The following ATP8A2 variants were observed in gnomAD, a reference collection of about 807,000 sequenced individuals.
ATP8A2 encodes the protein ATPase phospholipid transporting 8A2.
A neutral mutation model predicts 165.6 loss-of-function variants in ATP8A2; 100 were observed. The observed-to-expected ratio is 0.60, with a 90% confidence interval of 0.51 to 0.71. The LOEUF (loss-of-function observed/expected upper bound fraction) is 0.71. Ranked by LOEUF, ATP8A2 falls within the 30% of genes least tolerant of loss-of-function variation. ATP8A2 has a pLI of 0.00. For missense variants in ATP8A2, 1,227 were observed against 1,479.5 expected, an observed-to-expected ratio of 0.83 and a Z score of 2.80; for synonymous variants, 543 against 548.8, an observed-to-expected ratio of 0.99 and a Z score of 0.15.
chr13:25,374,278 T>C (rs915769893), intron 1 of ATP8A2, among the ~76,000 whole-genome samples: 2 of 152,160 alleles, frequency 1.3e-5, no homozygotes, highest in African/African-American at 4.8e-5. Context: ...AGAACTGTCA[T>C]GTAAGTGGAG....
chr13:25,808,753 A>G (rs1019964688), intron 27 of ATP8A2, among the ~76,000 whole-genome samples: 1 of 152,018 alleles, frequency 6.6e-6, no homozygotes, highest in African/African-American at 2.4e-5. Flanking sequence ...GACTTTTTAT[A>G]CCTGAAATAC....
At position 25,846,161 on chromosome 13, in the gene ATP8A2, G is replaced by A. The variant is rs1276552605; in HGVS notation, c.2956+6537G>A. Reference sequence around the variant, plus strand: ...TTGCACTCCAGCCTGGGTGACAAGAGCGAAACTCAGTCCCAAAACAAAACA... The same window carrying A: ...TTGCACTCCAGCCTGGGTGACAAGAACGAAACTCAGTCCCAAAACAAAACA... On this transcript the variant is annotated intron_variant, in intron 30 of 36. Coordinates refer to ENST00000381655, the MANE Select transcript of ATP8A2 (RefSeq NM_016529.6). 2.0e-5 allele frequency among the ~76,000 whole-genome samples: 3 copies of A among 152,270 alleles called. No homozygotes were observed. The East Asian group carries it at 5.8e-4, about 29-fold the overall frequency.
At chr13:25,977,041 AC>A (rs1956061961) in intron 35 of ATP8A2, among the ~76,000 whole-genome samples, 1 of 31,666 alleles carries the variant, frequency 3.2e-5, no homozygotes, top group East Asian at 1.3e-3. Context: ...CCCCACCCCC[AC>A]CCCCCTTCCC....
Position 25,590,358 on chromosome 13 carries a change from G to A in ATP8A2, c.2211+659G>A, listed in dbSNP as rs138026017. On this transcript the variant is annotated intron_variant, in intron 24 of 36. Coordinates refer to ENST00000381655, the MANE Select transcript of ATP8A2 (RefSeq NM_016529.6). ...GAGAATTGATTGAGCCTGGGATGTG[G>A]ATGCTACAGTGAGCCGTGATCGTGC... 4.4e-3 allele frequency among the ~76,000 whole-genome samples: 665 copies of A among 152,274 alleles called. 4 individuals carry two copies. The highest frequency in any genetic ancestry group is 0.015 in the African/African-American group (630 of 41,550).
intron 24 of ATP8A2, among the ~76,000 whole-genome samples, chr13:25,691,259 A>G (rs887453032): frequency 2.0e-5 from 3 of 152,208 alleles, no homozygotes; most frequent in African/African-American, 7.2e-5. Context: ...CTGTATCTTG[A>G]TTGTGGCCGG....
At chr13:25,625,840 G>A (rs552172672) in intron 24 of ATP8A2, among the ~76,000 whole-genome samples, 2 of 152,230 alleles carry the variant, frequency 1.3e-5, no homozygotes, top group African/African-American at 4.8e-5. Flanking sequence ...CCTATGATGT[G>A]AATGGCTGTG....
intron 25 of ATP8A2, among the ~76,000 whole-genome samples, chr13:25,767,515 A>C (rs1450433512): frequency 1.3e-5 from 2 of 152,248 alleles, no homozygotes; most frequent in Non-Finnish European, 2.9e-5. Context: ...AAGATGTGAT[A>C]GCTGTTTTTA....
At chr13:25,557,539 A>T (rs2039016785) in intron 13 of ATP8A2, among the ~76,000 whole-genome samples, 1 of 152,132 alleles carries the variant, frequency 6.6e-6, no homozygotes, top group South Asian at 2.1e-4. Context: ...CTATGTTCCC[A>T]TAACAGTCTT....
At chr13:25,657,104 T>C (rs1256756083) in intron 24 of ATP8A2, among the ~76,000 whole-genome samples, 4 of 144,602 alleles carry the variant, frequency 2.8e-5, no homozygotes, top group African/African-American at 5.1e-5. Flanking sequence ...TCTTCATTAA[T>C]TCGGGATATA....
In ATP8A2 at chr13:26,019,805, CA is replaced by C. The variant is rs200141078; in HGVS notation, c.3470-75del. The C allele has an allele frequency of 8.2e-3, 8,090 of 989,534 alleles. 66 individuals carry two copies. The highest frequency in any genetic ancestry group is 0.024 in the Middle Eastern group (116 of 4,792). The allele number at this position is 989,534 out of a possible 1,614,324, so 61.3% of individuals were successfully genotyped here. A position where few individuals can be genotyped will look rare whatever the true frequency, so the allele number is the denominator to read the frequency against. On this transcript the variant is annotated intron_variant, in intron 36 of 36. Transcript: ENST00000381655. ...GATGTCGCACTCACCCGCACGCTGC[CA>C]AAAAAAAGCAGCTTATTTTAAACCT...
chr13:25,903,250 C>T lies in ATP8A2; in HGVS notation c.3183+40842C>T, dbSNP rs116660127. ...TTTTCTCTCTCCCACAGTCTCCATACGCAAACAGCCCCCAGATATGGCTGC... is the reference window on the plus strand; with the variant it reads ...TTTTCTCTCTCCCACAGTCTCCATATGCAAACAGCCCCCAGATATGGCTGC... On this transcript the variant is annotated intron_variant, in intron 33 of 36. Coordinates refer to ENST00000381655, the MANE Select transcript of ATP8A2 (RefSeq NM_016529.6). Among the ~76,000 whole-genome samples the T allele has an allele frequency of 5.2e-3, 790 of 152,312 alleles. 14 individuals carry two copies. The highest frequency in any genetic ancestry group is 0.018 in the African/African-American group (763 of 41,572).
intron 1 of ATP8A2, among the ~76,000 whole-genome samples, chr13:25,464,605 C>G (rs1041803690): frequency 2.0e-5 from 3 of 151,954 alleles, no homozygotes; most frequent in African/African-American, 7.3e-5. Context: ...GAAGAGAGAC[C>G]CTTGGTGGCC....
rs1256053566 is a variant in ATP8A2, at chr13:25,439,945, T to C, written c.77-29032T>C. 3.9e-5 allele frequency among the ~76,000 whole-genome samples: 6 copies of C among 152,140 alleles called. No homozygotes were observed. The South Asian group carries it at 8.3e-4, about 21-fold the overall frequency. ...ATTAAAAGTTAACCAAAAGTTATCA[T>C]ATTGAGAGGTCACTGCAGGCTATGG... On this transcript the variant is annotated intron_variant, in intron 1 of 36. Coordinates refer to ENST00000381655, the MANE Select transcript of ATP8A2 (RefSeq NM_016529.6).
At chr13:25,770,419 C>T (rs1168829624) in intron 26 of ATP8A2, among the ~76,000 whole-genome samples, 2 of 152,172 alleles carry the variant, frequency 1.3e-5, no homozygotes, top group African/African-American at 4.8e-5. Context: ...CTCAAGAAGA[C>T]AGCTTTGACT....
intron 23 of ATP8A2, among the ~76,000 whole-genome samples, chr13:25,587,129 G>A (rs1000067322): frequency 1.3e-5 from 2 of 152,126 alleles, no homozygotes; most frequent in African/African-American, 4.8e-5. Flanking sequence ...TCTATACCTG[G>A]CTCTTCTCCA....
At chr13:25,559,870 C>CTCCATCCTGTGCAATAG in intron 15 of ATP8A2, 105 bp downstream of exon 15, 2 of 846,306 alleles carry the variant, frequency 2.4e-6, no homozygotes, top group Non-Finnish European at 3.8e-6. Flanking sequence ...CTCTATTGCA[C>CTCCATCCTGTGCAATAG]AGGATGGAGT....
At chr13:25,412,959 A>C (rs1216598495) in intron 1 of ATP8A2, among the ~76,000 whole-genome samples, 1 of 152,128 alleles carries the variant, frequency 6.6e-6, no homozygotes, top group Non-Finnish European at 1.5e-5. Context: ...CTGGGAATAC[A>C]GGTGTGTGCC....
chr13:25,808,502 G>A (rs1950791158), intron 27 of ATP8A2, among the ~76,000 whole-genome samples: 1 of 151,740 alleles, frequency 6.6e-6, no homozygotes, highest in Non-Finnish European at 1.5e-5. Flanking sequence ...GGGAGGCTGA[G>A]GCAGGAGAAT....
At chr13:25,801,453 C>T (rs576662347) in intron 27 of ATP8A2, among the ~76,000 whole-genome samples, 1 of 152,226 alleles carries the variant, frequency 6.6e-6, no homozygotes, top group Admixed American at 6.6e-5. Flanking sequence ...TAAATGTGAG[C>T]CAGTGCTGCT....
Sources: allele counts gnomAD v4.1 joint callset (sites outside exome capture counted in the v4.1 genomes callset), GRCh38; gene constraint gnomAD v4.1.1; transcripts MANE v1.5; gene names NCBI Gene and HGNC (gene_info 2026-07-23, HGNC 2026-07-21).